NAA11: variants seen among roughly 807,000 people sequenced by gnomAD.
The protein encoded by NAA11 is N-alpha-acetyltransferase 11.
NAA11 carries 15 observed loss-of-function variants against 16.1 expected under a neutral mutation model. The observed-to-expected ratio is 0.93, with a 90% confidence interval of 0.62 to 1.44. The LOEUF (loss-of-function observed/expected upper bound fraction) is 1.44. Ranked by LOEUF, NAA11 falls within the 40% of genes most tolerant of loss-of-function variation. The probability of loss-of-function intolerance (pLI) is 0.00; values close to 1 mark genes in which losing one functional copy is unlikely to be tolerated. For missense variants in NAA11, 298 were observed against 291.3 expected (o/e 1.02, Z -0.17); for synonymous variants, 122 against 112.4 (o/e 1.09, Z -0.54).
intron 1 of NAA11, among the ~76,000 whole-genome samples, chr4:79,319,376 A>G (rs1425727818): frequency 6.6e-6 from 1 of 152,228 alleles, no homozygotes; most frequent in Non-Finnish European, 1.5e-5. Flanking sequence ...ACTTTAAAAA[A>G]AAATCCTATA....
At chr4:79,162,660 G>GA in the NAA11 span, among the ~76,000 whole-genome samples, 2 of 152,134 alleles carry the variant, frequency 1.3e-5, no homozygotes, top group African/African-American at 2.4e-5. Flanking sequence ...TACAAAAGAA[G>GA]AAAAAATGTT....
chr4:79,240,684 A>G (rs1025175381), intron 2 of NAA11, among the ~76,000 whole-genome samples: 2 of 152,116 alleles, frequency 1.3e-5, no homozygotes, highest in Admixed American at 6.6e-5. Context: ...TTCTTATGCC[A>G]CTGAAAAAAC....
chr4:79,179,709 T>C, the NAA11 span, among the ~76,000 whole-genome samples: 16 of 152,294 alleles, frequency 1.1e-4, no homozygotes, highest in African/African-American at 3.4e-4. Context: ...AGAAACCCAA[T>C]ACAAATGAAG....
At chr4:79,197,012 G>T in the NAA11 span, among the ~76,000 whole-genome samples, 1 of 142,602 alleles carries the variant, frequency 7.0e-6, no homozygotes, top group African/African-American at 2.6e-5. Flanking sequence ...AAAGGATTCT[G>T]TCCCAGAGCC....
chr4:79,242,363 G>A (rs1172492838), intron 2 of NAA11, among the ~76,000 whole-genome samples: 8 of 152,190 alleles, frequency 5.3e-5, no homozygotes, highest in Admixed American at 5.2e-4. Context: ...AGCTGCAATT[G>A]TGTCTGCCTG....
chr4:79,156,510 T>C, the NAA11 span, among the ~76,000 whole-genome samples: 1 of 152,180 alleles, frequency 6.6e-6, no homozygotes. Flanking sequence ...ACAGGCACAA[T>C]TAATTCTCCT....
At chr4:79,184,939 T>A in the NAA11 span, among the ~76,000 whole-genome samples, 1 of 152,218 alleles carries the variant, frequency 6.6e-6, no homozygotes, top group Non-Finnish European at 1.5e-5. Flanking sequence ...TTTTATTAAC[T>A]ACATCTTTTT....
At chr4:79,168,023 C>G in the NAA11 span, among the ~76,000 whole-genome samples, 1 of 151,994 alleles carries the variant, frequency 6.6e-6, no homozygotes, top group Non-Finnish European at 1.5e-5. Context: ...CTCCCCTAGC[C>G]CCCTACCCCC....
chr4:79,157,925 G>A, the NAA11 span, among the ~76,000 whole-genome samples: 14 of 140,100 alleles, frequency 1.0e-4, no homozygotes, highest in African/African-American at 3.6e-4. Context: ...TTTTTGAGAC[G>A]GAGTCTTGCT....
At chr4:79,216,282 G>C in the NAA11 span, among the ~76,000 whole-genome samples, 1 of 151,942 alleles carries the variant, frequency 6.6e-6, no homozygotes, top group Non-Finnish European at 1.5e-5. Context: ...TATTATTATA[G>C]TTTATTTATT....
chr4:79,313,936 C>T (rs984491146), downstream of NAA11, among the ~76,000 whole-genome samples: 5 of 152,062 alleles, frequency 3.3e-5, no homozygotes, highest in African/African-American at 1.2e-4. Flanking sequence ...GAGATTTTTG[C>T]TCTGGAAACA....
chr4:79,239,239 C>G (rs1721639050), intron 2 of NAA11, among the ~76,000 whole-genome samples: 1 of 152,168 alleles, frequency 6.6e-6, no homozygotes, highest in African/African-American at 2.4e-5. Context: ...GAACCATTAA[C>G]ATTATATGAA....
chr4:79,191,203 G>A, the NAA11 span, among the ~76,000 whole-genome samples: 2 of 152,124 alleles, frequency 1.3e-5, no homozygotes, highest in Admixed American at 1.3e-4. Context: ...TGGGATTGCT[G>A]GGTTGAATGG....
At chr4:79,208,101 G>A in the NAA11 span, among the ~76,000 whole-genome samples, 1 of 151,994 alleles carries the variant, frequency 6.6e-6, no homozygotes, top group Admixed American at 6.6e-5. Context: ...GTACATTTTC[G>A]CAAAATTTGA....
chr4:79,283,105 TCTCA>T (rs1722832749), intron 2 of NAA11, among the ~76,000 whole-genome samples: 1 of 152,006 alleles, frequency 6.6e-6, no homozygotes, highest in Non-Finnish European at 1.5e-5. Context: ...TCATTGGTGA[TCTCA>T]ATGTGCAATC....
At chr4:79,213,696 A>G in the NAA11 span, among the ~76,000 whole-genome samples, 1 of 152,178 alleles carries the variant, frequency 6.6e-6, no homozygotes, top group Non-Finnish European at 1.5e-5. Context: ...TCTAAACAAA[A>G]TCCAGCTATT....
At chr4:79,309,714 C>CTTTTTTTTTTTTTTTTTTTTTT (rs71662804) in intron 1 of NAA11, among the ~76,000 whole-genome samples, 4 of 81,422 alleles carry the variant, frequency 4.9e-5, no homozygotes, top group South Asian at 5.2e-4. Context: ...TTTTTTTTTT[C>CTTTTTTTTTTTTTTTTTTTTTT]TTTTTTTTTT....
chr4:79,178,028 A>C, the NAA11 span, among the ~76,000 whole-genome samples: 1 of 152,178 alleles, frequency 6.6e-6, no homozygotes, highest in Non-Finnish European at 1.5e-5. Context: ...ATCTGAGTTG[A>C]ACATTAAAAG....
intron 2 of NAA11, among the ~76,000 whole-genome samples, chr4:79,243,990 T>C (rs1001348899): frequency 4.6e-5 from 7 of 152,230 alleles, no homozygotes; most frequent in Non-Finnish European, 1.0e-4. Context: ...TAGAGAGTTA[T>C]AGGCATGCCC....
Sources: gnomAD v4.1 joint callset for allele counts (sites outside exome capture counted in the v4.1 genomes callset) on GRCh38, gnomAD v4.1.1 for gene constraint, MANE v1.5 for transcripts, NCBI Gene and HGNC (gene_info 2026-07-23, HGNC 2026-07-21) for gene names.